Variants in TMEM178B observed in about 807,000 individuals in gnomAD.
TMEM178B encodes transmembrane protein 178B.
TMEM178B carries 5 observed loss-of-function variants against 31.0 expected under a neutral mutation model. The ratio of observed to expected loss-of-function variants is 0.16; its 90% CI spans 0.08 to 0.34. The LOEUF is 0.34. Among genes scored for constraint, TMEM178B ranks in the 10% least tolerant of loss-of-function variants. The pLI, the probability that TMEM178B is intolerant of heterozygous loss-of-function variation, is 1.00. For missense variants in TMEM178B, 275 were observed against 400.3 expected (o/e 0.69, Z 2.67); for synonymous variants, 164 against 164.0 (o/e 1.00, Z 0.00).
At chr7:141,165,140 C>A (rs1288286058) in intron 1 of TMEM178B, among the ~76,000 whole-genome samples, 1 of 151,714 alleles carries the variant, frequency 6.6e-6, no homozygotes, top group Non-Finnish European at 1.5e-5. Context: ...ACAATATTAT[C>A]AACCTGATAA....
intron 2 of TMEM178B, among the ~76,000 whole-genome samples, chr7:141,405,972 A>T (rs1272876831): frequency 1.3e-5 from 2 of 152,160 alleles, no homozygotes; most frequent in African/African-American, 4.8e-5. Flanking sequence ...GACACAGAGG[A>T]GGTGTGCTGC....
the TMEM178B span, among the ~76,000 whole-genome samples, chr7:141,505,703 C>A: frequency 1.9e-4 from 29 of 152,316 alleles, no homozygotes; most frequent in African/African-American, 5.8e-4. Flanking sequence ...TGGCTCTTAA[C>A]TACTTGCTAG....
chr7:141,363,765 C>T (rs983157413), intron 2 of TMEM178B, among the ~76,000 whole-genome samples: 6 of 152,116 alleles, frequency 3.9e-5, no homozygotes, highest in Non-Finnish European at 5.9e-5. Flanking sequence ...GAGATGTGCT[C>T]AACCTTCCTG....
At chr7:141,350,776 T>G (rs1303282889) in intron 2 of TMEM178B, among the ~76,000 whole-genome samples, 1 of 152,224 alleles carries the variant, frequency 6.6e-6, no homozygotes, top group African/African-American at 2.4e-5. Flanking sequence ...GTTTTCTTTT[T>G]CTTACATACA....
chr7:141,407,659 T>C (rs551666272), intron 2 of TMEM178B, among the ~76,000 whole-genome samples: 60 of 152,320 alleles, frequency 3.9e-4, no homozygotes, highest in African/African-American at 1.3e-3. Flanking sequence ...GAGGAAACTG[T>C]GGTCCAGAGA....
chr7:141,509,767 A>G, the TMEM178B span, among the ~76,000 whole-genome samples: 1 of 152,372 alleles, frequency 6.6e-6, no homozygotes, highest in Middle Eastern at 3.4e-3. Context: ...TCAGCTGGGC[A>G]TGGAACCATT....
intron 1 of TMEM178B, among the ~76,000 whole-genome samples, chr7:141,082,728 T>C (rs913470487): frequency 6.6e-6 from 1 of 152,208 alleles, no homozygotes; most frequent in African/African-American, 2.4e-5. Context: ...AAAGGCATGG[T>C]TGGTTCCTGT....
At position 141,116,054 on chromosome 7, in the gene TMEM178B, G is replaced by A. The variant is rs115367097; in HGVS notation, c.382+41362G>A. Among the ~76,000 whole-genome samples, 506 of 152,242 alleles carry A rather than the reference G, an allele frequency of 3.3e-3. 4 individuals carry two copies. Among genetic ancestry groups the A allele is most frequent in the African/African-American group, 0.011 (469 of 41,530 alleles). ...ATTGCTCTTGGCAAATGAGTATGGC[G>A]CTGGCAGCTTCAGCTCCGAGTTCAG... is the stretch of plus-strand genomic sequence containing the variant. On this transcript the variant is annotated intron_variant, in intron 1 of 3. Transcript: ENST00000565468.
chr7:141,394,439 C>T lies in TMEM178B; in HGVS notation c.497-43169C>T, dbSNP rs1527639. 4.9e-3 allele frequency among the ~76,000 whole-genome samples: 747 copies of T among 152,352 alleles called. 5 individuals are homozygous for T. The highest frequency in any genetic ancestry group is 0.017 in the African/African-American group (700 of 41,578). On this transcript the variant is annotated intron_variant, in intron 2 of 3. Coordinates refer to ENST00000565468, the MANE Select transcript of TMEM178B (RefSeq NM_001195278.2). ...GGGTTTGAAGCCCAGCTCTGCCAGT[C>T]ACTGGCAATGTGGCCTTGGATCAGT...
chr7:141,500,766 T>C, the TMEM178B span, among the ~76,000 whole-genome samples: 1 of 152,306 alleles, frequency 6.6e-6, no homozygotes, highest in African/African-American at 2.4e-5. Flanking sequence ...ACAAAGCCTC[T>C]GACTAGAATA....
chr7:141,319,708 T>C (rs1334956301), intron 2 of TMEM178B, among the ~76,000 whole-genome samples: 1 of 152,206 alleles, frequency 6.6e-6, no homozygotes, highest in Non-Finnish European at 1.5e-5. Flanking sequence ...TGGCTAATTT[T>C]GGTGTTTTTA....
At chr7:141,227,506 T>G (rs548034459) in intron 2 of TMEM178B, among the ~76,000 whole-genome samples, 68 of 152,316 alleles carry the variant, frequency 4.5e-4, no homozygotes, top group Non-Finnish European at 9.1e-4. Flanking sequence ...TTATTATATC[T>G]GTTTGACAGA....
At chr7:141,437,863 C>G in intron 3 of TMEM178B, 118 bp downstream of exon 3, 1 of 1,372,776 alleles carries the variant, frequency 7.3e-7, no homozygotes, top group Non-Finnish European at 9.8e-7. Flanking sequence ...GGTTCTCATT[C>G]ACTCATCCAT....
In TMEM178B at chr7:141,479,733, C is replaced by T. The variant is rs979804165; in HGVS notation, c.*8947C>T. The stretch of plus-strand genomic sequence containing the variant: ...GACCATAACTGACAAAACTCTCAAA[C>T]GCCTGGAGTGTTTATGGCCCACCAG... On this transcript the variant is annotated 3_prime_UTR_variant, in exon 4 of 4. Transcript: ENST00000565468. 4.6e-5 allele frequency: 7 copies of T among 152,102 alleles called. No homozygotes were observed. Among genetic ancestry groups the T allele is most frequent in the Non-Finnish European group, 5.9e-5 (4 of 68,026 alleles). 9.4% of individuals were successfully genotyped at this position (152,102 alleles called of 1,614,324 possible). A position where few individuals can be genotyped will look rare whatever the true frequency, so the allele number is the denominator to read the frequency against.
intron 1 of TMEM178B, among the ~76,000 whole-genome samples, chr7:141,079,423 T>C (rs1794649204): frequency 6.6e-6 from 1 of 152,228 alleles, no homozygotes; most frequent in Non-Finnish European, 1.5e-5. Flanking sequence ...GAGAAAATTC[T>C]GTTGGACAGC....
rs1002541977 is a variant in TMEM178B, at chr7:141,212,631, C to T, written c.423C>T (p.Ser141=). 11 of 1,535,994 alleles carry T rather than the reference C, an allele frequency of 7.2e-6. No individual in the cohort carries two copies. In the African/African-American group the frequency reaches 9.6e-5, roughly 13 times the overall value. The change falls in exon 2 of 4, where the codon TCC becomes TCT. Residue 141 remains serine (S), a synonymous_variant. Transcript: ENST00000565468. Reference sequence around the variant, plus strand: ...GTACGTACATCAAATACCACTACTCCTCAGCAACCATCCCCAGGAACCTCA... The same window carrying T: ...GTACGTACATCAAATACCACTACTCTTCAGCAACCATCCCCAGGAACCTCA... ...ERCTYIKYHY[S]SATIPRNLTF... is the part of the protein sequence containing the mutation.
intron 2 of TMEM178B, among the ~76,000 whole-genome samples, chr7:141,282,765 A>G (rs1319057292): frequency 1.3e-5 from 2 of 152,266 alleles, no homozygotes; most frequent in East Asian, 1.9e-4. Context: ...GGCACAGCCT[A>G]TTCAGCAAAT....
rs1325028544 is a variant in TMEM178B, at chr7:141,477,694, C to T, written c.*6908C>T. The T allele has an allele frequency of 6.6e-6, 1 of 152,202 alleles. No individual in the cohort carries two copies. Among genetic ancestry groups the T allele is most frequent in the Non-Finnish European group, 1.5e-5 (1 of 68,072 alleles). 9.4% of individuals were successfully genotyped at this position (152,202 alleles called of 1,614,324 possible). On this transcript the variant is annotated 3_prime_UTR_variant, in exon 4 of 4. Transcript: ENST00000565468. ...AAATGGGGATCAGGGGCTTCCAGGG[C>T]TCTGGGGGTGCGCAGTCCCCTTGTG...
At chr7:141,398,329 T>C (rs1800693187) in intron 2 of TMEM178B, among the ~76,000 whole-genome samples, 1 of 152,204 alleles carries the variant, frequency 6.6e-6, no homozygotes, top group Non-Finnish European at 1.5e-5. Flanking sequence ...CTTGGACATC[T>C]GGGAACATTG....
Sources: gnomAD v4.1 joint callset for allele counts (sites outside exome capture counted in the v4.1 genomes callset) on GRCh38, gnomAD v4.1.1 for gene constraint, MANE v1.5 for transcripts, NCBI Gene and HGNC (gene_info 2026-07-23, HGNC 2026-07-21) for gene names.